Variants in MAP2K5 observed in about 807,000 individuals in gnomAD.
MAP2K5 encodes mitogen-activated protein kinase kinase 5, also known as dual specificity mitogen-activated protein kinase kinase 5.
In MAP2K5, 49 loss-of-function variants were observed where a neutral mutation model predicts 83.1. The observed-to-expected ratio is 0.59, with a 90% CI of 0.47 to 0.75. The LOEUF (loss-of-function observed/expected upper bound fraction) is 0.75. MAP2K5 is among the 30% of genes least tolerant of loss of function. The pLI, the probability that MAP2K5 is intolerant of heterozygous loss-of-function variation, is 0.00. For synonymous variants in MAP2K5, 202 were observed against 191.8 expected (o/e 1.05, Z -0.44); for missense variants, 457 against 557.5 (o/e 0.82, Z 1.82).
rs1426796582 is a variant in MAP2K5 at position 67,552,036 on chromosome 15, AC to A, written c.184+1957del. Among the ~76,000 whole-genome samples, 1 of 144,250 alleles carries A rather than the reference AC, an allele frequency of 6.9e-6. No individual in the cohort carries two copies. The highest frequency in any genetic ancestry group is 1.5e-5 in the Non-Finnish European group (1 of 66,488). 94.6% of individuals were successfully genotyped at this position (144,250 alleles called of 152,430 possible). A position where few individuals can be genotyped will look rare whatever the true frequency, so the allele number is the denominator to read the frequency against. On this transcript the variant is annotated intron_variant, in intron 2 of 21. Coordinates refer to ENST00000178640, the MANE Select transcript of MAP2K5 (RefSeq NM_145160.3). This position sits in a 1 kb window ranked among gnomAD's most constrained non-coding sequence, Gnocchi z 4.2. ...CTACTACAGTACTTTCCAGTGACTT[AC>A]CCTGTAAAGTGGACTTGGGGCCTGA...
rs2089884804 is a variant in MAP2K5 at position 67,758,505 on chromosome 15, C to CT, written c.1134+9905dup. Among the ~76,000 whole-genome samples the CT allele has an allele frequency of 7.6e-6, 1 of 131,354 alleles. No individual in the cohort carries two copies. The highest frequency in any genetic ancestry group is 2.4e-4 in the South Asian group (1 of 4,144). 86.2% of individuals were successfully genotyped at this position (131,354 alleles called of 152,430 possible). A position where few individuals can be genotyped will look rare whatever the true frequency, so the allele number is the denominator to read the frequency against. ...CAATTATGAGTTTAACAACTAGACT[C>CT]TAAGTTCCTAGACATTTTATTTCTG... On this transcript the variant is annotated intron_variant, in intron 19 of 21. Coordinates refer to ENST00000178640, the MANE Select transcript of MAP2K5 (RefSeq NM_145160.3). This position sits in a 1 kb window ranked among gnomAD's most constrained non-coding sequence, Gnocchi z 4.7.
rs2084901922 is a variant in MAP2K5 at position 67,569,044 on chromosome 15, G to C, written c.252+5694G>C. On this transcript the variant is annotated intron_variant, in intron 3 of 21. Transcript: ENST00000178640. ...ACAAAAAAAAAAAACAAAACTCTGT[G>C]GGCGTCTGAAGGTTTAAAAGTTTTG... 2.7e-5 allele frequency among the ~76,000 whole-genome samples: 4 copies of C among 150,688 alleles called. No homozygotes were observed. In the South Asian group the frequency reaches 6.3e-4, roughly 24 times the overall value.
Position 67,747,299 on chromosome 15 carries a change from G to A in MAP2K5, c.1075-932G>A, listed in dbSNP as rs1404916251. Among the ~76,000 whole-genome samples the A allele has an allele frequency of 2.0e-5, 3 of 152,168 alleles. No individual in the cohort carries two copies. The highest frequency in any genetic ancestry group is 2.9e-5 in the Non-Finnish European group (2 of 68,030). On this transcript the variant is annotated intron_variant, in intron 17 of 21. Transcript: ENST00000178640. The surrounding 1 kb of genome is among the most constrained non-coding windows in gnomAD (Gnocchi z 4.1). ...CTAGTTTCCCTGTATTTTACCGGCT[G>A]GTTGGAGCCCAGTTATCTCAGAAAA...
chr15:67,558,475 A>G (rs1007381362), intron 2 of MAP2K5, among the ~76,000 whole-genome samples: 1 of 152,138 alleles, frequency 6.6e-6, no homozygotes, highest in Admixed American at 6.5e-5. Context: ...CCTCTTTTCC[A>G]CATGGCAGCC....
At position 67,710,275 on chromosome 15, in the gene MAP2K5, G is replaced by A. The variant is rs146208573; in HGVS notation, c.1044+6867G>A. Among the ~76,000 whole-genome samples, 98 of 152,316 alleles carry A rather than the reference G, an allele frequency of 6.4e-4. 1 individual carries two copies. Among genetic ancestry groups the A allele is most frequent in the African/African-American group, 2.3e-3 (97 of 41,562 alleles). ...ACCAGTCTCCTGAGTCTGAGGCATA[G>A]AACAGTCTGGCTCAATGTGCTTGGT... is the stretch of plus-strand genomic sequence containing the variant. On this transcript the variant is annotated intron_variant, in intron 16 of 21. Transcript: ENST00000178640.
Position 67,668,006 on chromosome 15 carries a change from A to T in MAP2K5, c.847+3361A>T, listed in dbSNP as rs1028266675. On this transcript the variant is annotated intron_variant, in intron 13 of 21. Transcript: ENST00000178640. The surrounding 1 kb of genome is among the most constrained non-coding windows in gnomAD (Gnocchi z 4.0). ...AGTCTGGTAAAAGTTAGTTTATTTG[A>T]TAGTATATTATGTTAACTGGAAATT... Among the ~76,000 whole-genome samples, 1 of 152,196 alleles carries T rather than the reference A, an allele frequency of 6.6e-6. No individual in the cohort carries two copies. The highest frequency in any genetic ancestry group is 1.9e-4 in the East Asian group (1 of 5,196).
chr15:67,585,317 T>C (rs1429162095), intron 4 of MAP2K5, among the ~76,000 whole-genome samples: 6 of 152,210 alleles, frequency 3.9e-5, no homozygotes, highest in Admixed American at 2.6e-4. Flanking sequence ...GGCACTGCCT[T>C]ATCTCTAGGA....
At chr15:67,568,493 T>C (rs548082163) in intron 3 of MAP2K5, among the ~76,000 whole-genome samples, 4 of 152,292 alleles carry the variant, frequency 2.6e-5, no homozygotes, top group Admixed American at 6.5e-5. Flanking sequence ...CCACAGAGAA[T>C]AGAAGATTCA....
chr15:67,752,088 G>A (rs983404678), intron 19 of MAP2K5, among the ~76,000 whole-genome samples: 1 of 151,938 alleles, frequency 6.6e-6, no homozygotes, highest in Non-Finnish European at 1.5e-5. Context: ...TTTTTGAGAT[G>A]GAGTTTTGCT....
intron 21 of MAP2K5, among the ~76,000 whole-genome samples, chr15:67,797,227 T>G (rs904021195): frequency 1.3e-5 from 2 of 152,246 alleles, no homozygotes; most frequent in African/African-American, 4.8e-5. Context: ...TTAAAAATCA[T>G]TACTGCAGTT....
chr15:67,752,305 G>A (rs1202102889), intron 19 of MAP2K5, among the ~76,000 whole-genome samples: 2 of 151,842 alleles, frequency 1.3e-5, no homozygotes, highest in Non-Finnish European at 2.9e-5. Context: ...GACCTCAAGT[G>A]ATCCGCCTAC....
chr15:67,795,776 T>C (rs1471564579), intron 21 of MAP2K5, among the ~76,000 whole-genome samples: 2 of 152,276 alleles, frequency 1.3e-5, no homozygotes, highest in Non-Finnish European at 2.9e-5. Context: ...ACTAATTTCC[T>C]ACCTGCATTA....
chr15:67,736,913 T>C lies in MAP2K5; in HGVS notation c.1074+8968T>C, dbSNP rs925332068. 2.0e-5 allele frequency among the ~76,000 whole-genome samples: 3 copies of C among 152,186 alleles called. No individual in the cohort carries two copies. The highest frequency in any genetic ancestry group is 7.2e-5 in the African/African-American group (3 of 41,438). The stretch of plus-strand genomic sequence containing the variant: ...AGGATTTCAGCATGTGAAGAGATCT[T>C]ACAATGATCTAGTCCAACTCTTAGA... On this transcript the variant is annotated intron_variant, in intron 17 of 21. Transcript: ENST00000178640. The surrounding 1 kb of genome is among the most constrained non-coding windows in gnomAD (Gnocchi z 4.3).
At chr15:67,570,761 C>G (rs1409567366) in intron 3 of MAP2K5, among the ~76,000 whole-genome samples, 1 of 152,072 alleles carries the variant, frequency 6.6e-6, no homozygotes, top group East Asian at 1.9e-4. Context: ...CTATGGACTG[C>G]AAATAGTTGG....
At chr15:67,694,590 A>G (rs1032206300) in intron 15 of MAP2K5, among the ~76,000 whole-genome samples, 1 of 152,222 alleles carries the variant, frequency 6.6e-6, no homozygotes, top group Non-Finnish European at 1.5e-5. Flanking sequence ...AATGGCGATC[A>G]TTAAAAAGTC....
intron 17 of MAP2K5, among the ~76,000 whole-genome samples, chr15:67,742,451 A>G (rs1325852398): frequency 6.6e-6 from 1 of 152,178 alleles, no homozygotes; most frequent in African/African-American, 2.4e-5. Flanking sequence ...TAGCAGATTT[A>G]TTTCACCATA....
At chr15:67,556,710 C>T (rs1368643442) in intron 2 of MAP2K5, among the ~76,000 whole-genome samples, 1 of 151,954 alleles carries the variant, frequency 6.6e-6, no homozygotes, top group Admixed American at 6.6e-5. Flanking sequence ...CACCACCATG[C>T]CCAGCTAATT....
chr15:67,739,764 A>C (rs1292279100), intron 17 of MAP2K5, among the ~76,000 whole-genome samples: 1 of 151,986 alleles, frequency 6.6e-6, no homozygotes, highest in Non-Finnish European at 1.5e-5. Context: ...TACAGGCATG[A>C]GCCACTGCAC....
chr15:67,729,650 C>T (rs933427070), intron 17 of MAP2K5, among the ~76,000 whole-genome samples: 1 of 151,988 alleles, frequency 6.6e-6, no homozygotes, highest in African/African-American at 2.4e-5. Flanking sequence ...GTGGCGGGCA[C>T]CTGTAGTCCC....
Sources: allele counts gnomAD v4.1 joint callset (sites outside exome capture counted in the v4.1 genomes callset), GRCh38; gene constraint gnomAD v4.1.1; non-coding constraint Gnocchi (gnomAD v3.1); transcripts MANE v1.5; gene names NCBI Gene and HGNC (gene_info 2026-07-23, HGNC 2026-07-21).